The following PLB1 variants were observed in gnomAD, a reference collection of about 807,000 sequenced individuals.
PLB1 encodes the protein phospholipase B1.
A neutral mutation model predicts 227.4 loss-of-function variants in PLB1; 242 were observed. That is an observed-to-expected ratio of 1.06 (90% CI 0.96 to 1.18). The LOEUF (loss-of-function observed/expected upper bound fraction) is 1.18, where lower values mean the gene tolerates loss of function less well. PLB1 is among the 50% of genes most tolerant of loss of function. PLB1 has a pLI of 0.00. For missense variants in PLB1, 1,858 were observed against 1,816.3 expected (o/e 1.02, Z -0.42); for synonymous variants, 757 against 682.2 (o/e 1.11, Z -1.71).
In PLB1 at chr2:28,590,117, G is replaced by C. The variant is rs776346588; in HGVS notation, c.2088+41G>C. ...CGTCCTTCCAGGCTCCGGCTGCACTGGGCTTCTTGGCTCATTTCATCCTAG... is the reference window on the plus strand; with the variant it reads ...CGTCCTTCCAGGCTCCGGCTGCACTCGGCTTCTTGGCTCATTTCATCCTAG... On this transcript the variant is annotated intron_variant, in intron 29 of 57. Coordinates refer to ENST00000327757, the MANE Select transcript of PLB1 (RefSeq NM_153021.5). 3 of 1,517,862 alleles carry C rather than the reference G, an allele frequency of 2.0e-6. No homozygotes were observed. In the South Asian group the frequency reaches 3.4e-5, roughly 17 times the overall value. 94.0% of individuals were successfully genotyped at this position (1,517,862 alleles called of 1,614,324 possible).
chr2:28,614,226 T>A (rs1052097644), intron 44 of PLB1, 130 bp downstream of exon 44: 1 of 955,622 alleles, frequency 1.0e-6, no homozygotes, highest in Non-Finnish European at 1.7e-6. Flanking sequence ...GGGATTGGAA[T>A]GTACAGAAAA....
In PLB1 at chr2:28,593,739, G is replaced by A. The variant is rs772652620; in HGVS notation, c.2306G>A (p.Arg769Gln). ...CTCCCCGATGTCACCACACAGTATC[G>A]GGGACTGTCATACAGGTAATGTTAA... ...DDLPDVTTQYRGLSYSAGGDG... is the reference protein window; with the variant it reads ...DDLPDVTTQYQGLSYSAGGDG... Residue 769 changes from arginine to glutamine, a missense_variant, in exon 33 of 58, where the codon CGG becomes CAG. Physicochemically the swap from Arg to Gln is conservative, Grantham distance 43. Coordinates refer to ENST00000327757, the MANE Select transcript of PLB1 (RefSeq NM_153021.5). The A allele has an allele frequency of 1.3e-5, 21 of 1,613,712 alleles. No individual in the cohort carries two copies. Among genetic ancestry groups the A allele is most frequent in the African/African-American group, 4.0e-5 (3 of 74,878 alleles).
At chr2:28,583,153 G>A (rs570108659) in intron 25 of PLB1, among the ~76,000 whole-genome samples, 1 of 151,590 alleles carries the variant, frequency 6.6e-6, no homozygotes, top group Non-Finnish European at 1.5e-5. Flanking sequence ...TCCCTCATCC[G>A]AAAATCTGAA....
At chr2:28,599,029 C>T (rs1558878695) in intron 35 of PLB1, among the ~76,000 whole-genome samples, 1 of 152,348 alleles carries the variant, frequency 6.6e-6, no homozygotes, top group South Asian at 2.1e-4. Context: ...AATCGACTAA[C>T]CTTATCCAAT....
At chr2:28,527,300 C>A (rs1670400495) in intron 6 of PLB1, among the ~76,000 whole-genome samples, 1 of 152,196 alleles carries the variant, frequency 6.6e-6, no homozygotes, top group Non-Finnish European at 1.5e-5. Context: ...GAGGGCAGAT[C>A]TTGCTTCTGA....
chr2:28,640,199 C>T (rs965680202), intron 56 of PLB1, among the ~76,000 whole-genome samples: 2 of 152,184 alleles, frequency 1.3e-5, no homozygotes, highest in East Asian at 1.9e-4. Context: ...ACGTTCCAAA[C>T]AGACTCTGAA....
chr2:28,640,790 C>T, intron 56 of PLB1, 137 bp from the exon 57 acceptor site: 1 of 865,902 alleles, frequency 1.2e-6, no homozygotes, highest in Non-Finnish European at 1.8e-6. Flanking sequence ...CTGCTGTGGG[C>T]CAAAAACCAG....
intron 17 of PLB1, among the ~76,000 whole-genome samples, chr2:28,557,529 A>G (rs1361601721): frequency 6.6e-6 from 1 of 152,220 alleles, no homozygotes; most frequent in Non-Finnish European, 1.5e-5. Context: ...TAGCATGCCA[A>G]GCCTTTCTCC....
At chr2:28,535,048 A>G (rs1366624165) in intron 9 of PLB1, among the ~76,000 whole-genome samples, 3 of 151,966 alleles carry the variant, frequency 2.0e-5, no homozygotes, top group Admixed American at 1.3e-4. Context: ...CCTTCCCAAC[A>G]CTTGTTCTCA....
intron 44 of PLB1, 66 bp downstream of exon 44, chr2:28,614,162 G>A (rs372412226): frequency 1.1e-4 from 151 of 1,420,418 alleles, no homozygotes; most frequent in African/African-American, 8.5e-5. Flanking sequence ...GGGCTCGGGT[G>A]TGGTACAGGT....
chr2:28,503,431 C>G (rs1667315869), intron 1 of PLB1, among the ~76,000 whole-genome samples: 1 of 152,192 alleles, frequency 6.6e-6, no homozygotes, highest in South Asian at 2.1e-4. Flanking sequence ...GGATTACAGG[C>G]ATGAGCCACC....
intron 4 of PLB1, among the ~76,000 whole-genome samples, chr2:28,524,848 T>C (rs1670015997): frequency 6.9e-6 from 1 of 144,526 alleles, no homozygotes; most frequent in Non-Finnish European, 1.5e-5. Flanking sequence ...CTCTCTCTTT[T>C]TTTTTTTTTT....
At chr2:28,563,507 A>AGG (rs1466990344) in intron 18 of PLB1, among the ~76,000 whole-genome samples, 2 of 145,360 alleles carry the variant, frequency 1.4e-5, no homozygotes, top group African/African-American at 5.0e-5. Context: ...AGAAAAGCTA[A>AGG]GGGAAGGTAC....
intron 17 of PLB1, among the ~76,000 whole-genome samples, chr2:28,560,435 ATGTAGTACC>A (rs1029730245): frequency 5.3e-5 from 8 of 152,282 alleles, no homozygotes; most frequent in African/African-American, 1.9e-4. Flanking sequence ...GGGTAGGTAG[ATGTAGTACC>A]TGTGTGTGTA....
chr2:28,575,352 A>T (rs879541015), intron 21 of PLB1, among the ~76,000 whole-genome samples: 33 of 151,964 alleles, frequency 2.2e-4, no homozygotes, highest in Non-Finnish European at 4.7e-4. Flanking sequence ...CCACTTTTTG[A>T]TGGGATTATT....
chr2:28,629,108 C>A lies in PLB1; in HGVS notation c.3741C>A (p.Phe1247Leu), dbSNP rs747453824. 1.2e-6 allele frequency: 2 copies of A among 1,613,750 alleles called. No individual in the cohort carries two copies. The highest frequency in any genetic ancestry group is 4.5e-5 in the East Asian group (2 of 44,848). Residue 1247 changes from phenylalanine (F) to leucine (L), a missense_variant, in exon 53 of 58, where the codon TTC becomes TTA. By Grantham distance (22) the Phe-to-Leu change is conservative. Transcript: ENST00000327757. Reference protein sequence around the residue: ...DILSEELPRAFVNVVEVMELA... With the variant: ...DILSEELPRALVNVVEVMELA... Reference sequence around the variant, plus strand: ...ACTCCCTGCAGCTCCCAAGGGCTTTCGTCAACGTGGTGGAGGTCATGGAGC... The same window carrying A: ...ACTCCCTGCAGCTCCCAAGGGCTTTAGTCAACGTGGTGGAGGTCATGGAGC...
At chr2:28,600,097 A>C (rs1411835924) in intron 35 of PLB1, among the ~76,000 whole-genome samples, 2 of 151,794 alleles carry the variant, frequency 1.3e-5, no homozygotes, top group African/African-American at 4.8e-5. Flanking sequence ...TTTTGTAGAG[A>C]TGGGGTTTTA....
intron 20 of PLB1, among the ~76,000 whole-genome samples, chr2:28,572,942 AAG>A (rs1678256645): frequency 6.6e-6 from 1 of 152,232 alleles, no homozygotes; most frequent in Non-Finnish European, 1.5e-5. Flanking sequence ...GTTAGAAAAA[AAG>A]AAAAATACAT....
rs1667272444 is a variant in PLB1 at position 28,503,043 on chromosome 2, A to G, written c.55+6874A>G. On this transcript the variant is annotated intron_variant, in intron 1 of 57. Coordinates refer to ENST00000327757, the MANE Select transcript of PLB1 (RefSeq NM_153021.5). ...TGTATGGTTTTCTGTTATCCCTTCAATACCTGTAGCTTCTGTAGTCATGTC... is the reference window on the plus strand; with the variant it reads ...TGTATGGTTTTCTGTTATCCCTTCAGTACCTGTAGCTTCTGTAGTCATGTC... Among the ~76,000 whole-genome samples the G allele has an allele frequency of 3.3e-5, 5 of 151,956 alleles. No individual in the cohort carries two copies. In the South Asian group the frequency reaches 1.0e-3, roughly 32 times the overall value.
Sources: gnomAD v4.1 joint callset for allele counts (sites outside exome capture counted in the v4.1 genomes callset) on GRCh38, gnomAD v4.1.1 for gene constraint, MANE v1.5 for transcripts, NCBI Gene and HGNC (gene_info 2026-07-23, HGNC 2026-07-21) for gene names.